GPATCH2L: variants seen among roughly 807,000 people sequenced by gnomAD.
GPATCH2L encodes G patch domain-containing protein 2-like.
A neutral mutation model predicts 57.4 loss-of-function variants in GPATCH2L; 31 were observed. The ratio of observed to expected loss-of-function variants is 0.54; its 90% CI spans 0.41 to 0.73. The LOEUF (loss-of-function observed/expected upper bound fraction) is 0.73. GPATCH2L is among the 30% of genes least tolerant of loss of function. GPATCH2L has a pLI of 0.00. For missense variants in GPATCH2L, 481 were observed against 599.9 expected, an observed-to-expected ratio of 0.80 and a Z score of 2.07; for synonymous variants, 199 against 210.7, an observed-to-expected ratio of 0.94 and a Z score of 0.48.
Position 76,201,838 on chromosome 14 carries a change from C to T in GPATCH2L, c.1436C>T (p.Pro479Leu). 1 of 1,613,828 alleles carries T rather than the reference C, an allele frequency of 6.2e-7. No homozygotes were observed. The highest frequency in any genetic ancestry group is 8.5e-7 in the Non-Finnish European group (1 of 1,179,822). Residue 479 changes from proline (P) to leucine (L), a missense_variant, in exon 10 of 10, where the codon CCT becomes CTT. Pro to Leu is a moderately conservative substitution (Grantham distance 98). Transcript: ENST00000261530. ...TFFKMPQEKS[P>L]GYS ...TTTAAAATGCCACAAGAAAAGAGCC[C>T]TGGATACAGCTAGAGAGCAGGACTT...
At chr14:76,217,122 CAG>C (rs1427436911), downstream of GPATCH2L, among the ~76,000 whole-genome samples, 3 of 152,226 alleles carry the variant, frequency 2.0e-5, no homozygotes, top group Middle Eastern at 3.4e-3. Context: ...TCCTCTGTGA[CAG>C]GGGTCAGCAA....
In GPATCH2L at chr14:76,206,965, A is replaced by C. The variant is rs916292320; in HGVS notation, c.*5114A>C. On this transcript the variant is annotated 3_prime_UTR_variant, in exon 10 of 10. Coordinates refer to ENST00000261530, the MANE Select transcript of GPATCH2L (RefSeq NM_017926.4). ...AAGCTCCTGAAAGATCTTTTTGAAG[A>C]ATTGACAAAGGATGCTATCAAGGGC... The C allele has an allele frequency of 6.6e-6, 1 of 152,080 alleles. No individual in the cohort carries two copies. The highest frequency in any genetic ancestry group is 2.4e-5 in the African/African-American group (1 of 41,388). The allele number at this position is 152,080 out of a possible 1,614,324, so 9.4% of individuals were successfully genotyped here.
intron 2 of GPATCH2L, among the ~76,000 whole-genome samples, chr14:76,159,603 A>G (rs1327421196): frequency 2.0e-5 from 3 of 151,928 alleles, no homozygotes; most frequent in Non-Finnish European, 4.4e-5. Context: ...TTCTGACCCC[A>G]TTCCAGGAGT....
At chr14:76,177,231 A>T (rs1447951130) in intron 6 of GPATCH2L, among the ~76,000 whole-genome samples, 2 of 152,146 alleles carry the variant, frequency 1.3e-5, no homozygotes, top group South Asian at 2.1e-4. Context: ...TTTTTTGTAG[A>T]GACAGAGTTT....
chr14:76,180,912 C>T (rs2039537243), intron 8 of GPATCH2L, 63 bp downstream of exon 8: 1 of 971,234 alleles, frequency 1.0e-6, no homozygotes, highest in Non-Finnish European at 1.7e-6. Context: ...TCTATTACCC[C>T]TCAAATTATA....
intron 9 of GPATCH2L, among the ~76,000 whole-genome samples, chr14:76,196,939 T>TC (rs1378067833): frequency 6.6e-6 from 1 of 152,158 alleles, no homozygotes; most frequent in Non-Finnish European, 1.5e-5. Context: ...TGGACAATCT[T>TC]CATTACAGGT....
downstream of GPATCH2L, among the ~76,000 whole-genome samples, chr14:76,217,170 A>G (rs1371988380): frequency 3.3e-5 from 5 of 152,192 alleles, no homozygotes; most frequent in Admixed American, 3.3e-4. Context: ...GACTGGCCCA[A>G]GGCCTAGTTT....
chr14:76,154,912 A>G lies in GPATCH2L; in HGVS notation c.549A>G (p.Gly183=), dbSNP rs144915442. The change falls in exon 2 of 10, where the codon GGA becomes GGG. Residue 183 remains glycine (G), a synonymous_variant. Coordinates refer to ENST00000261530, the MANE Select transcript of GPATCH2L (RefSeq NM_017926.4). The surrounding 1 kb of genome is among the most constrained non-coding windows in gnomAD (Gnocchi z 4.4). ...ENTPWTSSGH[G]LCESAENRTF... is the part of the protein sequence containing the mutation. The stretch of plus-strand genomic sequence containing the variant: ...CTCCCTGGACCTCATCAGGCCACGG[A>G]TTGTGTGAATCAGCAGAAAATAGGA... The G allele has an allele frequency of 1.9e-6, 3 of 1,614,072 alleles. No individual in the cohort carries two copies. Among genetic ancestry groups the G allele is most frequent in the Non-Finnish European group, 2.5e-6 (3 of 1,180,018 alleles).
chr14:76,182,132 C>T lies in GPATCH2L; in HGVS notation c.1193+1283C>T, dbSNP rs557620609. On this transcript the variant is annotated intron_variant, in intron 8 of 9. Transcript: ENST00000261530. ...CAGCACTTTGGGAGGCCGAGGTGGG[C>T]GGATCATGAGGTCAGGAGATCGAGA... Among the ~76,000 whole-genome samples the T allele has an allele frequency of 3.9e-5, 6 of 151,950 alleles. No individual in the cohort carries two copies. In the East Asian group the frequency reaches 7.8e-4, roughly 20 times the overall value.
At chr14:76,176,483 C>A in intron 5 of GPATCH2L, 140 bp from the exon 6 acceptor site, 2 of 630,298 alleles carry the variant, frequency 3.2e-6, no homozygotes, top group South Asian at 1.9e-5. Context: ...AGTATAGTTG[C>A]TGTTTTATTT....
chr14:76,157,106 G>A (rs372624013), intron 2 of GPATCH2L, among the ~76,000 whole-genome samples: 76 of 152,324 alleles, frequency 5.0e-4, no homozygotes, highest in Middle Eastern at 3.4e-3. Context: ...GGAATAATGG[G>A]CGGAGTGGTG....
rs774890542 is a variant in GPATCH2L at position 76,212,203 on chromosome 14, A to G, written c.*10352A>G. ...ACAAAAATGAAAGATGTCTAAAACC[A>G]TAGAATAGGAACAAATGTACCTGTC... On this transcript the variant is annotated 3_prime_UTR_variant, in exon 10 of 10. Transcript: ENST00000261530. 2.0e-5 allele frequency: 3 copies of G among 152,180 alleles called. No individual in the cohort carries two copies. Among genetic ancestry groups the G allele is most frequent in the Non-Finnish European group, 4.4e-5 (3 of 68,024 alleles). 9.4% of individuals were successfully genotyped at this position (152,180 alleles called of 1,614,324 possible).
chr14:76,161,579 G>A (rs1230731351), intron 2 of GPATCH2L, among the ~76,000 whole-genome samples: 1 of 152,172 alleles, frequency 6.6e-6, no homozygotes, highest in Non-Finnish European at 1.5e-5. Context: ...GGTGTGCTGT[G>A]CTTTTTTCCC....
rs772875043 is a variant in GPATCH2L at position 76,195,962 on chromosome 14, C to G, written c.1278C>G (p.Ser426Arg). Residue 426 changes from serine (S) to arginine (R), a missense_variant, in exon 9 of 10, where the codon AGC becomes AGG. Ser to Arg is a moderately radical substitution (Grantham distance 110, BLOSUM62 -1). Around this residue, in one of 3 missense-constraint regions of GPATCH2L, gnomAD observed 248 missense variants for 270.5 expected, o/e 0.92. Transcript: ENST00000261530. ...CAGTGGCCACAGCATCTTTGTCTAG[C>G]CCCAGTGCAGGTGATTACATGCAGT... Reference protein sequence around the residue: ...RKPVATASLSSPSAVHMDAVE... With the variant: ...RKPVATASLSRPSAVHMDAVE... The G allele has an allele frequency of 3.1e-6, 5 of 1,610,652 alleles. 1 individual carries two copies. The South Asian group carries it at 5.5e-5, about 18-fold the overall frequency.
At chr14:76,177,266 G>C (rs2039369257) in intron 6 of GPATCH2L, among the ~76,000 whole-genome samples, 1 of 152,076 alleles carries the variant, frequency 6.6e-6, no homozygotes, top group African/African-American at 2.4e-5. Flanking sequence ...GGCTGGTCTT[G>C]AACTCCTGGG....
intron 1 of GPATCH2L, among the ~76,000 whole-genome samples, chr14:76,221,911 A>C (rs574011579): frequency 1.3e-5 from 2 of 152,342 alleles, no homozygotes; most frequent in African/African-American, 4.8e-5. Context: ...GCCATTATAC[A>C]TTTATCAAAA....
chr14:76,221,043 T>TAAAA (rs112035944), intron 1 of GPATCH2L, among the ~76,000 whole-genome samples: 6 of 140,570 alleles, frequency 4.3e-5, no homozygotes, highest in South Asian at 4.4e-4. Context: ...AAGACTGATT[T>TAAAA]AAAAAAAAAA....
chr14:76,184,749 G>A (rs756461319), intron 8 of GPATCH2L, among the ~76,000 whole-genome samples: 2 of 152,124 alleles, frequency 1.3e-5, no homozygotes, highest in African/African-American at 4.8e-5. Context: ...TTCAACCCTG[G>A]CTGCAAGTTG....
downstream of GPATCH2L, among the ~76,000 whole-genome samples, chr14:76,217,132 CAAGCCACATAGCCTGT>C (rs1387734243): frequency 6.6e-6 from 1 of 152,152 alleles, no homozygotes; most frequent in Non-Finnish European, 1.5e-5. Context: ...CAGGGGTCAG[CAAGCCACATAGCCTGT>C]AGGCCAAATC....
Sources: allele counts gnomAD v4.1 joint callset (sites outside exome capture counted in the v4.1 genomes callset), GRCh38; gene constraint gnomAD v4.1.1; regional missense constraint gnomAD v4.1.1; non-coding constraint Gnocchi (gnomAD v3.1); transcripts MANE v1.5; gene names NCBI Gene and HGNC (gene_info 2026-07-23, HGNC 2026-07-21).